CCDC73: variants seen among roughly 807,000 people sequenced by gnomAD.
CCDC73 encodes coiled-coil domain containing 73.
CCDC73 carries 95 observed loss-of-function variants against 116.5 expected under a neutral mutation model. The observed-to-expected ratio is 0.82, with a 90% CI of 0.69 to 0.97. CCDC73 has a LOEUF of 0.97. Among genes scored for constraint, CCDC73 ranks in the 50% least tolerant of loss-of-function variants. The pLI, the probability that CCDC73 is intolerant of heterozygous loss-of-function variation, is 0.00. For missense variants in CCDC73, 1,066 were observed against 1,206.8 expected, an observed-to-expected ratio of 0.88 and a Z score of 1.73; for synonymous variants, 398 against 401.3, an observed-to-expected ratio of 0.99 and a Z score of 0.10.
intron 1 of CCDC73, among the ~76,000 whole-genome samples, chr11:32,762,910 C>A (rs1243947022): frequency 6.6e-6 from 1 of 152,162 alleles, no homozygotes; most frequent in East Asian, 1.9e-4. Flanking sequence ...TAATACTGCA[C>A]TTTTCCAAGG....
intron 1 of CCDC73, among the ~76,000 whole-genome samples, chr11:32,771,947 C>G (rs529821390): frequency 1.3e-5 from 2 of 152,082 alleles, no homozygotes; most frequent in African/African-American, 4.8e-5. Context: ...ATACAAAGAA[C>G]GAGAAGTTCA....
At chr11:32,683,893 TAGAG>T (rs747174695) in intron 6 of CCDC73, among the ~76,000 whole-genome samples, 18 of 152,062 alleles carry the variant, frequency 1.2e-4, no homozygotes, top group Non-Finnish European at 2.9e-5. Flanking sequence ...GCAAGAGAGA[TAGAG>T]AGAGCAGTCT....
At position 32,755,792 on chromosome 11, in the gene CCDC73, C is replaced by CAT. The variant is rs1410817952; in HGVS notation, c.135+4315_135+4316dup. On this transcript the variant is annotated intron_variant, in intron 2 of 17. Transcript: ENST00000335185. ...ATATATGTGTATATATATATATCTC[C>CAT]ATATATGTGTATATATATATCTCCA... Among the ~76,000 whole-genome samples, 19 of 92,996 alleles carry CAT rather than the reference C, an allele frequency of 2.0e-4. 2 individuals carry two copies. The highest frequency in any genetic ancestry group is 2.3e-4 in the Non-Finnish European group (11 of 46,870). 61.0% of individuals were successfully genotyped at this position (92,996 alleles called of 152,430 possible). A position where few individuals can be genotyped will look rare whatever the true frequency, so the allele number is the denominator to read the frequency against.
At chr11:32,709,596 T>C (rs1849882228) in intron 3 of CCDC73, among the ~76,000 whole-genome samples, 1 of 152,192 alleles carries the variant, frequency 6.6e-6, no homozygotes. Context: ...ATGCACAGCC[T>C]GCTGTTGGAT....
intron 14 of CCDC73, among the ~76,000 whole-genome samples, chr11:32,629,410 T>A (rs1401037147): frequency 2.3e-5 from 3 of 128,076 alleles, no homozygotes; most frequent in Non-Finnish European, 4.9e-5. Flanking sequence ...GTCAGAGATA[T>A]AAAGACACTT....
chr11:32,688,046 G>C (rs1856219447), intron 6 of CCDC73, among the ~76,000 whole-genome samples: 1 of 152,004 alleles, frequency 6.6e-6, no homozygotes, highest in South Asian at 2.1e-4. Flanking sequence ...AGTCTATATT[G>C]ATATAAATAA....
chr11:32,640,969 T>A (rs1223789637), intron 13 of CCDC73, among the ~76,000 whole-genome samples: 1 of 151,360 alleles, frequency 6.6e-6, no homozygotes, highest in Non-Finnish European at 1.5e-5. Context: ...TGAGCAGAGA[T>A]CCGTCCACGG....
At chr11:32,751,016 A>C (rs949881673) in intron 2 of CCDC73, among the ~76,000 whole-genome samples, 1 of 152,164 alleles carries the variant, frequency 6.6e-6, no homozygotes, top group Non-Finnish European at 1.5e-5. Flanking sequence ...AGCGCTCTTA[A>C]GTTAGCAGGT....
At chr11:32,642,955 T>C (rs2133251302) in intron 12 of CCDC73, among the ~76,000 whole-genome samples, 1 of 151,816 alleles carries the variant, frequency 6.6e-6, no homozygotes, top group African/African-American at 2.4e-5. Flanking sequence ...TTTCCAGAAA[T>C]TGTCTATATA....
At position 32,613,790 on chromosome 11, in the gene CCDC73, GTAT is replaced by G. The variant is rs763528138; in HGVS notation, c.2525_2527del (p.Asn842del). On this transcript the variant is annotated inframe_deletion, in exon 16 of 18. Coordinates refer to ENST00000335185, the MANE Select transcript of CCDC73 (RefSeq NM_001008391.4). ...GTCATTTAATGATTCTGTTTTCTCT[GTAT>G]TATTTAACAATGTATGCTGTCTTTC... 6.2e-7 allele frequency: 1 copy of G among 1,613,580 alleles called. No individual in the cohort carries two copies. Among genetic ancestry groups the G allele is most frequent in the South Asian group, 1.1e-5 (1 of 91,078 alleles).
At chr11:32,811,636 G>A in the CCDC73 span, among the ~76,000 whole-genome samples, 3 of 152,204 alleles carry the variant, frequency 2.0e-5, no homozygotes, top group East Asian at 5.8e-4. Context: ...CTTATATTAT[G>A]TCAGAAGGCA....
At chr11:32,785,915 C>T (rs983216098) in intron 1 of CCDC73, among the ~76,000 whole-genome samples, 16 of 152,116 alleles carry the variant, frequency 1.1e-4, no homozygotes, top group African/African-American at 3.4e-4. Context: ...ACTTATTTCA[C>T]AGGATGTGAT....
chr11:32,627,103 GA>G (rs1280022316), intron 14 of CCDC73, among the ~76,000 whole-genome samples: 2 of 151,994 alleles, frequency 1.3e-5, no homozygotes, highest in Non-Finnish European at 2.9e-5. Flanking sequence ...AATCTACAAA[GA>G]ATACAAACAA....
chr11:32,622,673 G>GA (rs35050125), intron 14 of CCDC73, among the ~76,000 whole-genome samples: 180 of 116,226 alleles, frequency 1.5e-3, no homozygotes, highest in East Asian at 2.3e-3. Context: ...AAATAAAATT[G>GA]AAAAAAAAAA....
At chr11:32,619,421 A>G (rs1306507861) in intron 14 of CCDC73, among the ~76,000 whole-genome samples, 1 of 152,206 alleles carries the variant, frequency 6.6e-6, no homozygotes, top group East Asian at 1.9e-4. Context: ...CTGTAATCCC[A>G]GTGTTTTGGG....
At chr11:32,794,523 C>G (rs1182619879) in intron 1 of CCDC73, 90 bp downstream of exon 1, 1 of 152,370 alleles carries the variant, frequency 6.6e-6, no homozygotes, top group Non-Finnish European at 1.5e-5. Context: ...GCTGGAGGTG[C>G]AGGGCAAACC....
At chr11:32,623,601 G>T (rs922196193) in intron 14 of CCDC73, among the ~76,000 whole-genome samples, 9 of 152,162 alleles carry the variant, frequency 5.9e-5, no homozygotes, top group African/African-American at 2.2e-4. Context: ...CAATTCACCT[G>T]CCTTGGCCCC....
At chr11:32,651,742 G>C (rs1267433319) in intron 12 of CCDC73, among the ~76,000 whole-genome samples, 2 of 152,240 alleles carry the variant, frequency 1.3e-5, no homozygotes, top group African/African-American at 4.8e-5. Flanking sequence ...TATGATGCCA[G>C]TGCACTGGTC....
chr11:32,802,879 C>T, the CCDC73 span, among the ~76,000 whole-genome samples: 3 of 150,932 alleles, frequency 2.0e-5, no homozygotes, highest in East Asian at 2.0e-4. Context: ...CAGCCTCCCA[C>T]GTAGCTGAGA....
Sources: gnomAD v4.1 joint callset for allele counts (sites outside exome capture counted in the v4.1 genomes callset) on GRCh38, gnomAD v4.1.1 for gene constraint, MANE v1.5 for transcripts, NCBI Gene and HGNC (gene_info 2026-07-23, HGNC 2026-07-21) for gene names.